Variants in CYP2F1 observed in about 807,000 individuals in gnomAD.
The protein encoded by CYP2F1 is cytochrome P450 family 2 subfamily F member 1, also known as cytochrome P450 2F1.
In CYP2F1, 33 loss-of-function variants were observed where a neutral mutation model predicts 40.4. The observed-to-expected ratio is 0.82, with a 90% CI of 0.62 to 1.09. The LOEUF (loss-of-function observed/expected upper bound fraction) is 1.09. Ranked by LOEUF, CYP2F1 falls within the 50% of genes least tolerant of loss-of-function variation. The pLI, the probability that CYP2F1 is intolerant of heterozygous loss-of-function variation, is 0.00. For missense variants in CYP2F1, 566 were observed against 655.7 expected, an observed-to-expected ratio of 0.86 and a Z score of 1.49; for synonymous variants, 235 against 277.2, an observed-to-expected ratio of 0.85 and a Z score of 1.51.
At chr19:41,121,699 G>C (rs1257331523) in intron 5 of CYP2F1, 81 bp downstream of exon 5, 2 of 1,409,320 alleles carry the variant, frequency 1.4e-6, no homozygotes, top group African/African-American at 3.1e-5. Flanking sequence ...GGCGGGGAAA[G>C]GGCTGTGAAT....
At chr19:41,123,008 A>G (rs369957652) in intron 7 of CYP2F1, 45 bp downstream of exon 7, 229 of 1,584,852 alleles carry the variant, frequency 1.4e-4, no homozygotes, top group Non-Finnish European at 1.9e-4. Context: ...CATGTGTTCC[A>G]GCCTCACCCC....
At chr19:41,119,723 C>CTCTCTCTATATATATA (rs1478574507) in intron 3 of CYP2F1, among the ~76,000 whole-genome samples, 11 of 35,798 alleles carry the variant, frequency 3.1e-4, no homozygotes, top group Non-Finnish European at 4.7e-4. Flanking sequence ...CTCTCTCTCT[C>CTCTCTCTATATATATA]TATATATATA....
intron 9 of CYP2F1, 44 bp downstream of exon 9, chr19:41,125,678 C>T (rs754459408): frequency 1.9e-6 from 3 of 1,613,876 alleles, no homozygotes; most frequent in East Asian, 4.5e-5. Flanking sequence ...TTTCTACCTA[C>T]ATTCCTCACC....
chr19:41,127,506 A>AT (rs895353406), intron 9 of CYP2F1, among the ~76,000 whole-genome samples: 2 of 151,784 alleles, frequency 1.3e-5, no homozygotes, highest in African/African-American at 4.8e-5. Context: ...CATTTTTAAA[A>AT]TTTTTTTTGT....
In CYP2F1 at chr19:41,116,685, G is replaced by T; in HGVS notation, c.334+68G>T. 7 of 1,536,704 alleles carry T rather than the reference G, an allele frequency of 4.6e-6. 1 individual carries two copies. In the South Asian group the frequency reaches 8.1e-5, roughly 18 times the overall value. ...ATTGAGGGAGGGGGTGAGGGTGAGA[G>T]ACTGTTGTCTCAATCTTGTTGACAC... On this transcript the variant is annotated intron_variant, in intron 3 of 9. Transcript: ENST00000331105.
chr19:41,120,607 G>A (rs1465084010), intron 4 of CYP2F1, 111 bp downstream of exon 4: 13 of 1,183,324 alleles, frequency 1.1e-5, no homozygotes, highest in Non-Finnish European at 1.3e-5. Flanking sequence ...TCAACCTCCC[G>A]AATAGCTGGT....
At chr19:41,118,416 G>A (rs547040891) in intron 3 of CYP2F1, among the ~76,000 whole-genome samples, 1 of 152,248 alleles carries the variant, frequency 6.6e-6, no homozygotes, top group South Asian at 2.1e-4. Flanking sequence ...GCTCTCCCTG[G>A]CTCCTGCATT....
intron 4 of CYP2F1, among the ~76,000 whole-genome samples, chr19:41,120,899 C>A (rs1303228663): frequency 2.6e-5 from 4 of 151,832 alleles, no homozygotes; most frequent in Admixed American, 6.6e-5. Context: ...CAGCTCATTG[C>A]AACCTCCGCC....
chr19:41,127,838 T>C (rs2032603614), intron 9 of CYP2F1, 63 bp from the exon 10 acceptor site: 1 of 1,285,664 alleles, frequency 7.8e-7, no homozygotes, highest in Non-Finnish European at 1.1e-6. Context: ...TCTGGGAATG[T>C]GGGGTTGCAG....
chr19:41,120,588 C>G, intron 4 of CYP2F1, 92 bp downstream of exon 4: 1 of 1,383,474 alleles, frequency 7.2e-7, no homozygotes. Context: ...CCCAAACCAT[C>G]CTCCCACCTC....
At chr19:41,125,118 C>CT in intron 8 of CYP2F1, 1 of 574,818 alleles carries the variant, frequency 1.7e-6, no homozygotes, top group Non-Finnish European at 3.0e-6. Flanking sequence ...GACTAGACCC[C>CT]TTCACCATGA....
At position 41,116,194 on chromosome 19, in the gene CYP2F1, C is replaced by T. The variant is rs1254854626; in HGVS notation, c.6C>T (p.Asp2=). The change falls in exon 2 of 10, where the codon GAC becomes GAT. Residue 2 remains aspartate (D), a synonymous_variant. Coordinates refer to ENST00000331105, the MANE Select transcript of CYP2F1 (RefSeq NM_000774.5). The stretch of plus-strand genomic sequence containing the variant: ...CGCCAGCAGCTGCCTTCACCATGGA[C>T]AGCATAAGCACAGCCATCTTACTCC... The part of the protein sequence containing the change: M[D]SISTAILLLL... 6.3e-7 allele frequency: 1 copy of T among 1,599,746 alleles called. No individual in the cohort carries two copies. The highest frequency in any genetic ancestry group is 8.5e-7 in the Non-Finnish European group (1 of 1,176,654).
chr19:41,116,105 G>A, intron 1 of CYP2F1, 73 bp from the exon 2 acceptor site: 4 of 1,415,048 alleles, frequency 2.8e-6, no homozygotes, highest in Non-Finnish European at 2.9e-6. Context: ...GCCTAGGGAA[G>A]GTAAGTCCCA....
At chr19:41,126,506 C>T (rs2032552543) in intron 9 of CYP2F1, among the ~76,000 whole-genome samples, 1 of 152,044 alleles carries the variant, frequency 6.6e-6, no homozygotes, top group Admixed American at 6.6e-5. Context: ...AATCCCATCA[C>T]TTTGGGAGGC....
At chr19:41,121,254 T>C (rs113399285) in intron 4 of CYP2F1, among the ~76,000 whole-genome samples, 13,613 of 150,676 alleles carry the variant, frequency 0.09, 1,601 homozygotes, top group African/African-American at 0.27. Flanking sequence ...CTGCAGGAAG[T>C]TGTGGGTTCG....
At chr19:41,123,118 C>G (rs1263578637) in intron 7 of CYP2F1, 155 bp downstream of exon 7, 1 of 832,838 alleles carries the variant, frequency 1.2e-6, no homozygotes. Flanking sequence ...GAGGCCGATC[C>G]CACCACATGG....
chr19:41,124,069 G>A (rs1319876192), intron 7 of CYP2F1, among the ~76,000 whole-genome samples: 4 of 151,510 alleles, frequency 2.6e-5, no homozygotes, highest in East Asian at 1.9e-4. Context: ...TCGACCTACC[G>A]TCCAGCCAGT....
intron 9 of CYP2F1, among the ~76,000 whole-genome samples, chr19:41,127,610 A>G (rs1300824029): frequency 6.6e-6 from 1 of 152,202 alleles, no homozygotes; most frequent in African/African-American, 2.4e-5. Context: ...CTGGGATTAC[A>G]GGCCTAAGCC....
Position 41,120,381 on chromosome 19 carries a change from C to A in CYP2F1, c.369C>A (p.Val123=). The A allele has an allele frequency of 6.2e-7, 1 of 1,613,620 alleles. No individual in the cohort carries two copies. The highest frequency in any genetic ancestry group is 1.1e-5 in the South Asian group (1 of 91,008). ...TCTCCAGTGGGGATCGATGGAAGGTCCTGAGACAGTTCTCTATCCAGATTC... is the reference window on the plus strand; with the variant it reads ...TCTCCAGTGGGGATCGATGGAAGGTACTGAGACAGTTCTCTATCCAGATTC... ...IAFSSGDRWK[V]LRQFSIQILR... Residue 123 remains valine, a synonymous_variant, in exon 4 of 10, where the codon GTC becomes GTA. Transcript: ENST00000331105.
Sources: allele counts gnomAD v4.1 joint callset (sites outside exome capture counted in the v4.1 genomes callset), GRCh38; gene constraint gnomAD v4.1.1; transcripts MANE v1.5; gene names NCBI Gene and HGNC (gene_info 2026-07-23, HGNC 2026-07-21).